The following ZNF763 variants were observed in gnomAD, a reference collection of about 807,000 sequenced individuals.
The protein encoded by ZNF763 is DNA-binding protein.
In ZNF763, 33 loss-of-function variants were observed where a neutral mutation model predicts 38.0. The observed-to-expected ratio is 0.87, with a 90% confidence interval of 0.66 to 1.16. The LOEUF is 1.16. Ranked by LOEUF, ZNF763 falls within the 50% of genes most tolerant of loss-of-function variation. The pLI is 0.00. For synonymous variants in ZNF763, 155 were observed against 160.1 expected (o/e 0.97, Z 0.24); for missense variants, 423 against 469.1 (o/e 0.90, Z 0.91).
intron 1 of ZNF763, among the ~76,000 whole-genome samples, chr19:11,972,600 T>C (rs1005515263): frequency 6.6e-6 from 1 of 152,238 alleles, no homozygotes; most frequent in Admixed American, 6.5e-5. Context: ...ACATTTTTTA[T>C]GCAAATGATA....
At position 11,978,594 on chromosome 19, in the gene ZNF763, G is replaced by A. The variant is rs572186693; in HGVS notation, c.670G>A (p.Gly224Arg). 6.2e-7 allele frequency: 1 copy of A among 1,614,180 alleles called. No homozygotes were observed. The highest frequency in any genetic ancestry group is 8.5e-7 in the Non-Finnish European group (1 of 1,180,024). The change falls in exon 4 of 4, where the codon GGA becomes AGA. Residue 224 changes from glycine (G) to arginine (R), a missense_variant. Physicochemically the swap from Gly to Arg is moderately radical, Grantham distance 125 (BLOSUM62 -2). Coordinates refer to ENST00000358987, the MANE Select transcript of ZNF763 (RefSeq NM_001367172.2). ...TCTTATCCATGAAAGAACTCACACT[G>A]GAGAGAAACCGTATGAATGTAAACA... ...LYLIHERTHT[G>R]EKPYECKQCV...
Position 11,976,204 on chromosome 19 carries a change from A to G in ZNF763, c.4-834A>G, listed in dbSNP as rs930239654. Among the ~76,000 whole-genome samples the G allele has an allele frequency of 4.6e-5, 7 of 151,074 alleles. No homozygotes were observed. In the East Asian group the frequency reaches 1.4e-3, roughly 30 times the overall value. ...GGCATTTTCAAGGATACACAGCCTCAGGACTGCTAATGTTAACTTTTTTCT... is the reference window on the plus strand; with the variant it reads ...GGCATTTTCAAGGATACACAGCCTCGGGACTGCTAATGTTAACTTTTTTCT... On this transcript the variant is annotated intron_variant, in intron 1 of 3. Transcript: ENST00000358987.
At position 11,977,356 on chromosome 19, in the gene ZNF763, GTGTC is replaced by G. The variant is rs1293483756; in HGVS notation, c.131-11_131-8del. 1.2e-6 allele frequency: 2 copies of G among 1,613,232 alleles called. No individual in the cohort carries two copies. Among genetic ancestry groups the G allele is most frequent in the African/African-American group, 2.7e-5 (2 of 74,848 alleles). ...TATATTGCTTCAGGACTACTTTTCT[GTGTC>G]TGTATTTTAGGGAAAAAGTGGAAAG... On this transcript the variant is annotated splice_polypyrimidine_tract_variant and intron_variant, in intron 2 of 3. Coordinates refer to ENST00000358987, the MANE Select transcript of ZNF763 (RefSeq NM_001367172.2).
intron 3 of ZNF763, among the ~76,000 whole-genome samples, chr19:11,977,687 C>A (rs898104762): frequency 2.6e-5 from 4 of 152,138 alleles, no homozygotes; most frequent in African/African-American, 2.4e-5. Context: ...AATGAGACCA[C>A]AAATCAACAA....
chr19:11,968,482 T>C (rs1973284572), intron 1 of ZNF763, among the ~76,000 whole-genome samples: 1 of 152,122 alleles, frequency 6.6e-6, no homozygotes, highest in Non-Finnish European at 1.5e-5. Flanking sequence ...CCTCAAACAG[T>C]CCTCCTTCCT....
At chr19:11,976,957 G>T (rs372976431) in intron 1 of ZNF763, 81 bp from the exon 2 acceptor site, 2 of 1,580,624 alleles carry the variant, frequency 1.3e-6, no homozygotes, top group Non-Finnish European at 1.7e-6. Context: ...TGGAGTCCAC[G>T]GCAACTTCTT....
intron 1 of ZNF763, among the ~76,000 whole-genome samples, chr19:11,969,082 T>A (rs945309023): frequency 6.6e-6 from 1 of 152,146 alleles, no homozygotes; most frequent in Non-Finnish European, 1.5e-5. Context: ...TCAGCTTAAA[T>A]TTTTGAATTA....
At chr19:11,972,872 G>A (rs1973379385) in intron 1 of ZNF763, among the ~76,000 whole-genome samples, 1 of 151,700 alleles carries the variant, frequency 6.6e-6, no homozygotes, top group South Asian at 2.1e-4. Flanking sequence ...CAAGAGGACA[G>A]CTTGAACTGC....
At chr19:11,965,477 C>T (rs968586848) in intron 1 of ZNF763, among the ~76,000 whole-genome samples, 1 of 152,218 alleles carries the variant, frequency 6.6e-6, no homozygotes, top group African/African-American at 2.4e-5. Flanking sequence ...CCCGCAGCCC[C>T]GCGTCTCCCC....
intron 1 of ZNF763, among the ~76,000 whole-genome samples, chr19:11,965,551 G>T (rs1037959568): frequency 6.6e-6 from 1 of 152,252 alleles, no homozygotes; most frequent in African/African-American, 2.4e-5. Flanking sequence ...GGGTTCGTGC[G>T]TGGGAGGAGC....
intron 1 of ZNF763, among the ~76,000 whole-genome samples, chr19:11,968,994 C>G (rs1005285624): frequency 6.6e-6 from 1 of 152,190 alleles, no homozygotes; most frequent in African/African-American, 2.4e-5. Context: ...AAGGAGGGTT[C>G]CAGCTAGCTA....
chr19:11,973,111 T>G (rs1406488192), intron 1 of ZNF763, among the ~76,000 whole-genome samples: 2 of 152,312 alleles, frequency 1.3e-5, no homozygotes, highest in East Asian at 3.9e-4. Flanking sequence ...TACATGTGTC[T>G]TGTATCCACC....
chr19:11,980,544 AC>A lies in ZNF763; in HGVS notation c.*1437del, dbSNP rs1246643195. Among the ~76,000 whole-genome samples, 1 of 152,204 alleles carries A rather than the reference AC, an allele frequency of 6.6e-6. No individual in the cohort carries two copies. Among genetic ancestry groups the A allele is most frequent in the African/African-American group, 2.4e-5 (1 of 41,444 alleles). ...GGGTAAAACATAGAAATTCATTTAT[AC>A]CTTAGAAAGCTATTTTTTTCAGGTT... On this transcript the variant is annotated 3_prime_UTR_variant, in exon 4 of 4. Transcript: ENST00000358987.
chr19:11,966,936 A>C (rs1973243305), intron 1 of ZNF763, among the ~76,000 whole-genome samples: 1 of 152,154 alleles, frequency 6.6e-6, no homozygotes, highest in Non-Finnish European at 1.5e-5. Flanking sequence ...CTGGCTTTAT[A>C]TTACCAGGAA....
Position 11,965,139 on chromosome 19 carries a change from C to T in ZNF763, c.-70C>T. ...TCTACCCAGGTTTCTATCGCTCTGT[C>T]TCCTGCGCTGTGCCCTTCTGTAGTC... On this transcript the variant is annotated 5_prime_UTR_variant, in exon 1 of 4. Coordinates refer to ENST00000358987, the MANE Select transcript of ZNF763 (RefSeq NM_001367172.2). The T allele has an allele frequency of 6.2e-7, 1 of 1,609,194 alleles. No individual in the cohort carries two copies. The highest frequency in any genetic ancestry group is 8.5e-7 in the Non-Finnish European group (1 of 1,175,746).
intron 1 of ZNF763, among the ~76,000 whole-genome samples, chr19:11,972,146 A>T (rs1568307416): frequency 6.6e-6 from 1 of 151,894 alleles, no homozygotes; most frequent in Admixed American, 6.6e-5. Flanking sequence ...ATACCTGGTC[A>T]TGGTGATGTG....
At chr19:11,971,068 A>G (rs1010003128) in intron 1 of ZNF763, among the ~76,000 whole-genome samples, 3 of 152,214 alleles carry the variant, frequency 2.0e-5, no homozygotes, top group African/African-American at 7.2e-5. Flanking sequence ...AGTGTATAGT[A>G]GGGATATTGC....
At position 11,979,230 on chromosome 19, in the gene ZNF763, T is replaced by C. The variant is rs1166859450; in HGVS notation, c.*121T>C. On this transcript the variant is annotated 3_prime_UTR_variant, in exon 4 of 4. Transcript: ENST00000358987. ...GTGGTAAAGCCTTCAATCTTTCCAG[T>C]TCCTTTCAGTATCATGAAAGGACTC... The C allele has an allele frequency of 1.9e-6, 3 of 1,611,946 alleles. No homozygotes were observed. The highest frequency in any genetic ancestry group is 1.1e-5 in the South Asian group (1 of 90,844).
At chr19:11,970,270 C>T (rs551100829) in intron 1 of ZNF763, among the ~76,000 whole-genome samples, 1 of 152,180 alleles carries the variant, frequency 6.6e-6, no homozygotes, top group African/African-American at 2.4e-5. Flanking sequence ...AAAGGCCACT[C>T]CAACAAGGAT....
Sources: gnomAD v4.1 joint callset for allele counts (sites outside exome capture counted in the v4.1 genomes callset) on GRCh38, gnomAD v4.1.1 for gene constraint, MANE v1.5 for transcripts, NCBI Gene and HGNC (gene_info 2026-07-23, HGNC 2026-07-21) for gene names.